CEP63: variants seen among roughly 807,000 people sequenced by gnomAD.
CEP63 encodes centrosomal protein of 63 kDa.
A neutral mutation model predicts 89.1 loss-of-function variants in CEP63; 84 were observed. That is an observed-to-expected ratio of 0.94 (90% CI 0.79 to 1.13). The LOEUF is 1.13. CEP63 is among the 50% of genes most tolerant of loss of function. The pLI, the probability that CEP63 is intolerant of heterozygous loss-of-function variation, is 0.00. For missense variants in CEP63, 838 were observed against 813.3 expected (o/e 1.03, Z -0.37); for synonymous variants, 267 against 272.5 (o/e 0.98, Z 0.20).
Position 134,546,057 on chromosome 3 carries a change from A to G in CEP63, c.790-92A>G, listed in dbSNP as rs1275371180. On this transcript the variant is annotated intron_variant, in intron 7 of 14. Transcript: ENST00000675561. Reference sequence around the variant, plus strand: ...CTTCTCGTGAAATAGAAAAATTGTAATAATAGCTGGCTTAGAAATTTCTGA... The same window carrying G: ...CTTCTCGTGAAATAGAAAAATTGTAGTAATAGCTGGCTTAGAAATTTCTGA... 5.8e-6 allele frequency: 8 copies of G among 1,389,438 alleles called. No individual in the cohort carries two copies. In the East Asian group the frequency reaches 7.1e-5, roughly 12 times the overall value. The allele number at this position is 1,389,438 out of a possible 1,614,324, so 86.1% of individuals were successfully genotyped here.
intron 3 of CEP63, among the ~76,000 whole-genome samples, chr3:134,524,839 T>G (rs1014895710): frequency 6.6e-6 from 1 of 152,160 alleles, no homozygotes; most frequent in African/African-American, 2.4e-5. Context: ...GGCCTGAAGT[T>G]CTCTTTTTTT....
At chr3:134,603,686 C>T in the CEP63 span, 2 of 1,613,900 alleles carry the variant, frequency 1.2e-6, no homozygotes, top group Non-Finnish European at 1.7e-6. Flanking sequence ...CTGCAGCTTC[C>T]CTCCCAGTAG....
the CEP63 span, among the ~76,000 whole-genome samples, chr3:134,708,099 C>A: frequency 2.6e-5 from 4 of 152,180 alleles, no homozygotes; most frequent in Non-Finnish European, 4.4e-5. Flanking sequence ...GCCATTGTCC[C>A]TGGAGGGCTC....
intron 3 of CEP63, among the ~76,000 whole-genome samples, chr3:134,518,195 A>C (rs188108231): frequency 6.6e-6 from 1 of 152,202 alleles, no homozygotes; most frequent in African/African-American, 2.4e-5. Flanking sequence ...AATTAAGTAC[A>C]TGGTAATCAT....
At chr3:134,538,533 G>GTATGTA (rs1951280260) in intron 6 of CEP63, among the ~76,000 whole-genome samples, 3 of 101,370 alleles carry the variant, frequency 3.0e-5, no homozygotes, top group Non-Finnish European at 4.3e-5. Context: ...GTGTGTGTGT[G>GTATGTA]TATATATATA....
the CEP63 span, among the ~76,000 whole-genome samples, chr3:134,601,537 C>G: frequency 6.6e-6 from 1 of 152,340 alleles, no homozygotes; most frequent in African/African-American, 2.4e-5. Context: ...GTGTGCAAGA[C>G]GGCTGTTTTC....
chr3:134,610,279 A>G, the CEP63 span: 1 of 1,613,878 alleles, frequency 6.2e-7, no homozygotes, highest in African/African-American at 1.3e-5. Flanking sequence ...CTCCAGGTAC[A>G]CAGCATTCCA....
chr3:134,584,210 C>T (rs999305504), intron 10 of CEP63, among the ~76,000 whole-genome samples: 35 of 152,066 alleles, frequency 2.3e-4, no homozygotes, highest in African/African-American at 8.0e-4. Context: ...CTTCCAACAC[C>T]ATATTGAATA....
the CEP63 span, chr3:134,603,818 C>T: frequency 1.2e-6 from 2 of 1,613,918 alleles, no homozygotes; most frequent in Non-Finnish European, 1.7e-6. Flanking sequence ...GACAGAGGTT[C>T]CAGCAGCTCA....
intron 6 of CEP63, among the ~76,000 whole-genome samples, chr3:134,544,552 T>G (rs1306073626): frequency 6.6e-6 from 1 of 151,048 alleles, no homozygotes; most frequent in Non-Finnish European, 1.5e-5. Context: ...TCTCTGAATT[T>G]AAAGAGCATT....
chr3:134,689,900 G>GA, the CEP63 span, among the ~76,000 whole-genome samples: 3 of 151,944 alleles, frequency 2.0e-5, no homozygotes, highest in Non-Finnish European at 4.4e-5. Context: ...GGCAAGTGGG[G>GA]GCAAAGCTGG....
At chr3:134,701,423 CG>C in the CEP63 span, among the ~76,000 whole-genome samples, 1 of 88,240 alleles carries the variant, frequency 1.1e-5, no homozygotes. Context: ...CATATATATA[CG>C]TATATATGTG....
downstream of CEP63, among the ~76,000 whole-genome samples, chr3:134,568,388 AG>A (rs1403625151): frequency 6.6e-6 from 1 of 152,234 alleles, no homozygotes; most frequent in Non-Finnish European, 1.5e-5. Context: ...TAGTTTCTTC[AG>A]CCACAGGCAA....
At chr3:134,687,089 A>G in the CEP63 span, among the ~76,000 whole-genome samples, 1 of 152,154 alleles carries the variant, frequency 6.6e-6, no homozygotes, top group African/African-American at 2.4e-5. Context: ...CACTTCATCT[A>G]CAAGACCCAC....
chr3:134,654,123 T>C, the CEP63 span, among the ~76,000 whole-genome samples: 66 of 152,344 alleles, frequency 4.3e-4, 1 homozygote, highest in African/African-American at 1.5e-3. Context: ...CACATCCAGC[T>C]GTCAGCAGCC....
chr3:134,643,193 T>C, the CEP63 span: 5 of 821,738 alleles, frequency 6.1e-6, no homozygotes, highest in South Asian at 1.7e-5. Flanking sequence ...CCAACACCCA[T>C]GGGAGCAGAG....
At chr3:134,607,814 G>C in the CEP63 span, 66 of 988,214 alleles carry the variant, frequency 6.7e-5, no homozygotes, top group Non-Finnish European at 7.8e-5. Context: ...ACTGCCCCAG[G>C]GGAGTGGGCT....
At chr3:134,491,591 A>G (rs1044326842) in intron 1 of CEP63, among the ~76,000 whole-genome samples, 1 of 152,188 alleles carries the variant, frequency 6.6e-6, no homozygotes, top group Admixed American at 6.5e-5. Flanking sequence ...ATTTTGAACT[A>G]TAGTTTGGAC....
the CEP63 span, among the ~76,000 whole-genome samples, chr3:134,624,807 T>C: frequency 6.6e-6 from 1 of 151,456 alleles, no homozygotes; most frequent in Non-Finnish European, 1.5e-5. Context: ...AGCTCCAGGG[T>C]GTGTTGTATG....
Sources: gnomAD v4.1 joint callset for allele counts (sites outside exome capture counted in the v4.1 genomes callset) on GRCh38, gnomAD v4.1.1 for gene constraint, MANE v1.5 for transcripts, NCBI Gene and HGNC (gene_info 2026-07-23, HGNC 2026-07-21) for gene names.